Variants in FGF12 observed in about 807,000 individuals in gnomAD.
The protein encoded by FGF12 is fibroblast growth factor 12B.
FGF12 carries 14 observed loss-of-function variants against 23.6 expected under a neutral mutation model. The ratio of observed to expected loss-of-function variants is 0.59; its 90% CI spans 0.39 to 0.93. The LOEUF (loss-of-function observed/expected upper bound fraction) is 0.93, where lower values mean the gene tolerates loss of function less well. Among genes scored for constraint, FGF12 ranks in the 40% least tolerant of loss-of-function variants. The pLI is 0.00. For synonymous variants in FGF12, 62 were observed against 77.3 expected, an observed-to-expected ratio of 0.80 and a Z score of 1.04; for missense variants, 175 against 217.8, an observed-to-expected ratio of 0.80 and a Z score of 1.24.
intron 2 of FGF12, among the ~76,000 whole-genome samples, chr3:192,465,595 G>C (rs2108810441): frequency 6.6e-6 from 1 of 151,668 alleles, no homozygotes. Flanking sequence ...GATAAAGATG[G>C]TTTGCTGTGC....
At chr3:192,225,652 T>G (rs905825405) in intron 4 of FGF12, among the ~76,000 whole-genome samples, 1 of 152,122 alleles carries the variant, frequency 6.6e-6, no homozygotes, top group African/African-American at 2.4e-5. Flanking sequence ...ACAAAATGTA[T>G]AAACAAATGT....
chr3:192,402,751 C>G (rs1025292679), intron 2 of FGF12, among the ~76,000 whole-genome samples: 1 of 152,048 alleles, frequency 6.6e-6, no homozygotes, highest in African/African-American at 2.4e-5. Flanking sequence ...ATCCTGAAGT[C>G]AAGTTATTAT....
At chr3:192,326,175 A>G (rs1458837161) in intron 4 of FGF12, among the ~76,000 whole-genome samples, 2 of 152,188 alleles carry the variant, frequency 1.3e-5, no homozygotes, top group African/African-American at 4.8e-5. Context: ...TGCATCTGAT[A>G]AGATATAAAA....
At chr3:192,255,516 A>G (rs1331952357) in intron 4 of FGF12, among the ~76,000 whole-genome samples, 1 of 152,058 alleles carries the variant, frequency 6.6e-6, no homozygotes, top group Non-Finnish European at 1.5e-5. Context: ...AATGCATATC[A>G]TAGCATAAAG....
chr3:192,427,494 T>G (rs1278993070), intron 2 of FGF12, among the ~76,000 whole-genome samples: 1 of 152,160 alleles, frequency 6.6e-6, no homozygotes. Flanking sequence ...AAAACACAGA[T>G]GAATTTTTAA....
chr3:192,332,224 GT>G (rs1228670554), intron 4 of FGF12, among the ~76,000 whole-genome samples: 2 of 151,988 alleles, frequency 1.3e-5, no homozygotes, highest in Non-Finnish European at 2.9e-5. Context: ...TCCATAAGCT[GT>G]TGGAAAGGAA....
intron 2 of FGF12, among the ~76,000 whole-genome samples, chr3:192,589,725 C>T (rs1713544012): frequency 1.3e-5 from 2 of 151,790 alleles, no homozygotes; most frequent in Admixed American, 6.6e-5. Context: ...CTGAATGACA[C>T]TAATCGAAGT....
At chr3:192,232,158 C>T (rs1276520515) in intron 4 of FGF12, among the ~76,000 whole-genome samples, 1 of 152,036 alleles carries the variant, frequency 6.6e-6, no homozygotes, top group Non-Finnish European at 1.5e-5. Context: ...TGTGGTAGCT[C>T]TTTCCCACTA....
intron 2 of FGF12, among the ~76,000 whole-genome samples, chr3:192,723,586 T>C (rs906821575): frequency 1.6e-4 from 25 of 152,070 alleles, no homozygotes; most frequent in African/African-American, 5.8e-4. Flanking sequence ...GCTGCTGGTC[T>C]GTGGACCACC....
At chr3:192,378,026 T>TTTTCTTTCTTTCTTTCTTTCTTTC (rs202170804) in intron 2 of FGF12, among the ~76,000 whole-genome samples, 801 of 69,346 alleles carry the variant, frequency 0.012, 31 homozygotes, top group Middle Eastern at 0.035. Context: ...TGACTCTTTC[T>TTTTCTTTCTTTCTTTCTTTCTTTC]TTTCTTTCTT....
intron 2 of FGF12, among the ~76,000 whole-genome samples, chr3:192,508,487 T>C (rs942212591): frequency 6.6e-6 from 1 of 152,214 alleles, no homozygotes; most frequent in Non-Finnish European, 1.5e-5. Flanking sequence ...GATGTCTCTT[T>C]ATAACTCTGG....
chr3:192,435,284 T>C (rs569377497), intron 2 of FGF12, among the ~76,000 whole-genome samples: 4 of 152,320 alleles, frequency 2.6e-5, no homozygotes, highest in South Asian at 2.1e-4. Flanking sequence ...AAAAACTTCA[T>C]TTCTTTGACT....
Position 192,146,268 on chromosome 3 carries a change from G to GTATA in FGF12, c.428-2145_428-2142dup, listed in dbSNP as rs761713533. Reference sequence around the variant, plus strand: ...TAAATTTTCTAATTTTCATTAAAGTGTATATTTTTTTTTTTTTTTTGAGAC... The same window carrying GTATA: ...TAAATTTTCTAATTTTCATTAAAGTGTATATATATTTTTTTTTTTTTTTTGAGAC... On this transcript the variant is annotated intron_variant, in intron 5 of 5. Coordinates refer to ENST00000445105, the MANE Select transcript of FGF12 (RefSeq NM_004113.6). Among the ~76,000 whole-genome samples, 179 of 66,548 alleles carry GTATA rather than the reference G, an allele frequency of 2.7e-3. 1 individual carries two copies. Among genetic ancestry groups the GTATA allele is most frequent in the Middle Eastern group, 9.8e-3 (1 of 102 alleles). 43.7% of individuals were successfully genotyped at this position (66,548 alleles called of 152,430 possible).
Position 192,409,617 on chromosome 3 carries a change from C to A in FGF12, c.14-49079G>T, listed in dbSNP as rs939964532. 6.6e-6 allele frequency among the ~76,000 whole-genome samples: 1 copy of A among 152,150 alleles called. No individual in the cohort carries two copies. The highest frequency in any genetic ancestry group is 1.5e-5 in the Non-Finnish European group (1 of 68,010). On this transcript the variant is annotated intron_variant, in intron 2 of 5. Coordinates refer to ENST00000445105, the MANE Select transcript of FGF12 (RefSeq NM_004113.6). The surrounding 1 kb of genome is among the most constrained non-coding windows in gnomAD (Gnocchi z 4.8). Reference sequence around the variant, plus strand: ...GGAAGTGACCCGCGCGCTGCGAATACCCGCGCGTCCGCTCGGGTGGGGCGG... The same window carrying A: ...GGAAGTGACCCGCGCGCTGCGAATAACCGCGCGTCCGCTCGGGTGGGGCGG...
At chr3:192,443,484 G>A (rs1411174811) in intron 2 of FGF12, among the ~76,000 whole-genome samples, 2 of 152,204 alleles carry the variant, frequency 1.3e-5, no homozygotes, top group East Asian at 1.9e-4. Flanking sequence ...TTGTTGGAGA[G>A]CTTTGAATAC....
intron 2 of FGF12, among the ~76,000 whole-genome samples, chr3:192,586,365 TTC>T (rs1409778722): frequency 3.9e-5 from 6 of 152,226 alleles, no homozygotes; most frequent in Non-Finnish European, 5.9e-5. Flanking sequence ...GCAAGTTAAT[TTC>T]TCTAAACCTC....
At chr3:192,232,794 C>T (rs373683455) in intron 4 of FGF12, among the ~76,000 whole-genome samples, 8 of 152,028 alleles carry the variant, frequency 5.3e-5, no homozygotes, top group East Asian at 1.9e-4. Flanking sequence ...TAAATGAGAA[C>T]GTGTGATATT....
intron 4 of FGF12, among the ~76,000 whole-genome samples, chr3:192,318,242 C>A (rs149260656): frequency 1.3e-5 from 2 of 152,106 alleles, no homozygotes; most frequent in African/African-American, 4.8e-5. Context: ...ATGGCCTCAA[C>A]AAATGAACTA....
intron 2 of FGF12, among the ~76,000 whole-genome samples, chr3:192,400,803 C>G (rs1720728526): frequency 6.6e-6 from 1 of 152,190 alleles, no homozygotes; most frequent in Non-Finnish European, 1.5e-5. Flanking sequence ...CAGGGATTAT[C>G]CAGGCACCTT....
Sources: allele counts gnomAD v4.1 joint callset (sites outside exome capture counted in the v4.1 genomes callset), GRCh38; gene constraint gnomAD v4.1.1; non-coding constraint Gnocchi (gnomAD v3.1); transcripts MANE v1.5; gene names NCBI Gene and HGNC (gene_info 2026-07-23, HGNC 2026-07-21).